NXN: variants seen among roughly 807,000 people sequenced by gnomAD.
NXN encodes nucleoredoxin.
NXN carries 16 observed loss-of-function variants against 48.6 expected under a neutral mutation model. The observed-to-expected ratio is 0.33, with a 90% CI of 0.22 to 0.50. NXN has a LOEUF of 0.50. Among genes scored for constraint, NXN ranks in the 20% least tolerant of loss-of-function variants. NXN has a pLI of 0.98. For synonymous variants in NXN, 281 were observed against 269.6 expected (o/e 1.04, Z -0.41); for missense variants, 492 against 605.5 (o/e 0.81, Z 1.97).
intron 1 of NXN, among the ~76,000 whole-genome samples, chr17:850,071 C>A (rs897338048): frequency 6.6e-6 from 1 of 150,798 alleles, no homozygotes; most frequent in Admixed American, 6.6e-5. Flanking sequence ...TTCTGCTCCT[C>A]GTAAACAACT....
At chr17:915,778 G>A (rs1201128596) in intron 1 of NXN, among the ~76,000 whole-genome samples, 1 of 99,610 alleles carries the variant, frequency 1.0e-5, no homozygotes. Context: ...GGCCAGAGCT[G>A]GGGCTTCCAG....
intron 5 of NXN, among the ~76,000 whole-genome samples, chr17:806,915 C>A (rs1043637281): frequency 7.3e-6 from 1 of 137,770 alleles, no homozygotes; most frequent in Non-Finnish European, 1.5e-5. Flanking sequence ...ATCACACACA[C>A]TCACATACAC....
rs1356546881 is a variant in NXN at position 801,175 on chromosome 17, AAGG to A, written c.1126-47_1126-45del. On this transcript the variant is annotated intron_variant, in intron 7 of 7. Transcript: ENST00000336868. Reference sequence around the variant, plus strand: ...AGAGAAAACCAAGAAGTTTTAAAGAAAGGAGGGGGAGAGTCCCCTGGGCCCAGT... The same window carrying A: ...AGAGAAAACCAAGAAGTTTTAAAGAAAGGGGGAGAGTCCCCTGGGCCCAGT... 3 of 1,446,398 alleles carry A rather than the reference AAGG, an allele frequency of 2.1e-6. No individual in the cohort carries two copies. The African/African-American group carries it at 4.4e-5, about 21-fold the overall frequency. 89.6% of individuals were successfully genotyped at this position (1,446,398 alleles called of 1,614,324 possible). A position where few individuals can be genotyped will look rare whatever the true frequency, so the allele number is the denominator to read the frequency against.
At chr17:861,017 A>G (rs1253855747) in intron 1 of NXN, among the ~76,000 whole-genome samples, 1 of 152,220 alleles carries the variant, frequency 6.6e-6, no homozygotes, top group African/African-American at 2.4e-5. Context: ...AGGTTATCAC[A>G]GTGGGATGAG....
chr17:810,687 G>T (rs1285320241), intron 5 of NXN, among the ~76,000 whole-genome samples: 1 of 152,092 alleles, frequency 6.6e-6, no homozygotes, highest in Admixed American at 6.6e-5. Flanking sequence ...GTCAGGAGGT[G>T]GAGACCAGCC....
chr17:965,891 G>A (rs114972153), intron 1 of NXN, among the ~76,000 whole-genome samples: 5,139 of 152,062 alleles, frequency 0.034, 287 homozygotes, highest in East Asian at 0.26. Context: ...CCGAGGTGGG[G>A]AAAACATGAA....
chr17:942,915 GGT>G (rs2068995307), intron 1 of NXN, among the ~76,000 whole-genome samples: 1 of 36,848 alleles, frequency 2.7e-5, no homozygotes, highest in Non-Finnish European at 4.8e-5. Flanking sequence ...AAGATTCCAG[GGT>G]GCAGCCATGA....
At chr17:876,767 G>C (rs687505) in intron 1 of NXN, among the ~76,000 whole-genome samples, 25,634 of 152,082 alleles carry the variant, frequency 0.17, 2,871 homozygotes, top group African/African-American at 0.32. Context: ...CTCTTGGCCG[G>C]GCGCGGGGGC....
intron 1 of NXN, among the ~76,000 whole-genome samples, chr17:895,629 G>C (rs550030513): frequency 7.2e-6 from 1 of 139,504 alleles, no homozygotes; most frequent in Non-Finnish European, 1.5e-5. Flanking sequence ...TGGCTAACAC[G>C]GTGAAACCCC....
At chr17:957,496 G>A (rs1259839327) in intron 1 of NXN, among the ~76,000 whole-genome samples, 1 of 152,098 alleles carries the variant, frequency 6.6e-6, no homozygotes, top group East Asian at 1.9e-4. Flanking sequence ...CCTGAGCGTG[G>A]TGGTGCACGC....
chr17:810,980 A>G (rs1343717341), intron 5 of NXN, among the ~76,000 whole-genome samples: 7 of 152,142 alleles, frequency 4.6e-5, no homozygotes, highest in African/African-American at 1.7e-4. Flanking sequence ...GAAACATGCA[A>G]TCTCCAAATG....
rs1345790751 is a variant in NXN at position 958,483 on chromosome 17, C to CA, written c.360+20835dup. 4.0e-5 allele frequency among the ~76,000 whole-genome samples: 6 copies of CA among 151,846 alleles called. No individual in the cohort carries two copies. Among genetic ancestry groups the CA allele is most frequent in the African/African-American group, 1.2e-4 (5 of 41,350 alleles). On this transcript the variant is annotated intron_variant, in intron 1 of 7. Transcript: ENST00000336868. This position sits in a 1 kb window ranked among gnomAD's most constrained non-coding sequence, Gnocchi z 6.9. Reference sequence around the variant, plus strand: ...GCAACATAGCAGGACTCCAACTCTACAAAAATTAATCTTAAAAATTAGCTC... The same window carrying CA: ...GCAACATAGCAGGACTCCAACTCTACAAAAAATTAATCTTAAAAATTAGCTC...
intron 1 of NXN, among the ~76,000 whole-genome samples, chr17:829,447 G>A (rs1913326308): frequency 6.8e-6 from 1 of 147,904 alleles, no homozygotes; most frequent in Non-Finnish European, 1.5e-5. Context: ...GAGCCACCGT[G>A]CTCGGACTAT....
At chr17:895,248 C>T (rs191343953) in intron 1 of NXN, among the ~76,000 whole-genome samples, 6,837 of 150,186 alleles carry the variant, frequency 0.046, 477 homozygotes, top group African/African-American at 0.16. Context: ...AACTCCTGAC[C>T]TCAGGTGATC....
intron 1 of NXN, among the ~76,000 whole-genome samples, chr17:931,638 C>T (rs931007829): frequency 7.0e-6 from 1 of 143,112 alleles, no homozygotes; most frequent in African/African-American, 2.6e-5. Flanking sequence ...AGATCGAGAC[C>T]ATCCCGGCTA....
At chr17:881,158 A>C (rs2068279555) in intron 1 of NXN, among the ~76,000 whole-genome samples, 1 of 152,232 alleles carries the variant, frequency 6.6e-6, no homozygotes, top group African/African-American at 2.4e-5. Flanking sequence ...CTAGAATAGC[A>C]AAAGTAAAAC....
Position 843,022 on chromosome 17 carries a change from A to G in NXN, c.361-16944T>C, listed in dbSNP as rs138428464. Among the ~76,000 whole-genome samples, 204 of 120,756 alleles carry G rather than the reference A, an allele frequency of 1.7e-3. 1 individual carries two copies. The highest frequency in any genetic ancestry group is 3.1e-3 in the Non-Finnish European group (168 of 54,658). The allele number at this position is 120,756 out of a possible 152,430, so 79.2% of individuals were successfully genotyped here. A position where few individuals can be genotyped will look rare whatever the true frequency, so the allele number is the denominator to read the frequency against. ...AGAGAAAGAGAGAAAGAAAGAAAGAAAGAAAGAAAGAAAGAAAGAAAGAAA... is the reference window on the plus strand; with the variant it reads ...AGAGAAAGAGAGAAAGAAAGAAAGAGAGAAAGAAAGAAAGAAAGAAAGAAA... On this transcript the variant is annotated intron_variant, in intron 1 of 7. Transcript: ENST00000336868.
Position 919,458 on chromosome 17 carries a change from C to A in NXN, c.360+59861G>T, listed in dbSNP as rs2068723190. The stretch of plus-strand genomic sequence containing the variant: ...TGCAGGGCAATCATTCCTTAAGATG[C>A]TAGAAAACGTGTTATTGTAACACGA... On this transcript the variant is annotated intron_variant, in intron 1 of 7. Coordinates refer to ENST00000336868, the MANE Select transcript of NXN (RefSeq NM_022463.5). This position sits in a 1 kb window ranked among gnomAD's most constrained non-coding sequence, Gnocchi z 5.1. Among the ~76,000 whole-genome samples, 2 of 152,132 alleles carry A rather than the reference C, an allele frequency of 1.3e-5. No individual in the cohort carries two copies. The highest frequency in any genetic ancestry group is 4.8e-5 in the African/African-American group (2 of 41,428).
chr17:944,415 C>G (rs1465395841), intron 1 of NXN, among the ~76,000 whole-genome samples: 2 of 152,172 alleles, frequency 1.3e-5, no homozygotes, highest in Non-Finnish European at 2.9e-5. Context: ...GGTCCGTACC[C>G]CCGTCCGAGG....
Sources: allele counts gnomAD v4.1 joint callset (sites outside exome capture counted in the v4.1 genomes callset), GRCh38; gene constraint gnomAD v4.1.1; non-coding constraint Gnocchi (gnomAD v3.1); transcripts MANE v1.5; gene names NCBI Gene and HGNC (gene_info 2026-07-23, HGNC 2026-07-21).